Variants in ALCAM observed in about 807,000 individuals in gnomAD.
The protein encoded by ALCAM is CD166 antigen.
ALCAM carries 30 observed loss-of-function variants against 70.9 expected under a neutral mutation model. The ratio of observed to expected loss-of-function variants is 0.42; its 90% CI spans 0.32 to 0.57. The LOEUF (loss-of-function observed/expected upper bound fraction) is 0.57. Among genes scored for constraint, ALCAM ranks in the 20% least tolerant of loss-of-function variants. The probability of loss-of-function intolerance (pLI) is 0.11; values close to 1 mark genes in which losing one functional copy is unlikely to be tolerated. For missense variants in ALCAM, 591 were observed against 695.1 expected, an observed-to-expected ratio of 0.85 and a Z score of 1.68; for synonymous variants, 249 against 242.5, an observed-to-expected ratio of 1.03 and a Z score of -0.25.
At chr3:105,563,443 CTT>C (rs1940670856) in intron 14 of ALCAM, among the ~76,000 whole-genome samples, 3 of 151,350 alleles carry the variant, frequency 2.0e-5, no homozygotes, top group Non-Finnish European at 4.4e-5. Context: ...TACATTTCCA[CTT>C]TTTCTCCTTT....
chr3:105,476,043 G>C (rs1938099354), intron 1 of ALCAM, among the ~76,000 whole-genome samples: 1 of 151,916 alleles, frequency 6.6e-6, no homozygotes, highest in Non-Finnish European at 1.5e-5. Flanking sequence ...CCACGAAAAT[G>C]ATTCCTCCTA....
chr3:105,527,692 G>T (rs987126110), intron 3 of ALCAM, among the ~76,000 whole-genome samples: 1 of 152,030 alleles, frequency 6.6e-6, no homozygotes, highest in Admixed American at 6.5e-5. Context: ...CTCTGGTGCT[G>T]CTCTGTGGTA....
chr3:105,420,076 A>G, intron 1 of ALCAM, among the ~76,000 whole-genome samples: 1 of 151,820 alleles, frequency 6.6e-6, no homozygotes, highest in East Asian at 1.9e-4. Flanking sequence ...TGCAAATGTT[A>G]CTTCATATTT....
chr3:105,445,703 C>T (rs1459361150), intron 1 of ALCAM, among the ~76,000 whole-genome samples: 3 of 152,152 alleles, frequency 2.0e-5, no homozygotes. Flanking sequence ...TTATTTTCAA[C>T]AAAGGTGCCA....
intron 7 of ALCAM, 143 bp from the exon 8 acceptor site, chr3:105,541,490 C>A: frequency 1.2e-6 from 1 of 841,318 alleles, no homozygotes; most frequent in South Asian, 2.7e-5. Flanking sequence ...ATTGGTAACA[C>A]AAACTGTACT....
chr3:105,524,256 T>A, intron 2 of ALCAM, 33 bp from the exon 3 acceptor site: 1 of 1,521,708 alleles, frequency 6.6e-7, no homozygotes, highest in East Asian at 2.4e-5. Context: ...TGAATATGCT[T>A]GTGTTTAAAT....
chr3:105,520,090 T>C lies in ALCAM; in HGVS notation c.97T>C (p.Ser33Pro). The C allele has an allele frequency of 6.2e-7, 1 of 1,611,100 alleles. No individual in the cohort carries two copies. The highest frequency in any genetic ancestry group is 1.1e-5 in the South Asian group (1 of 90,764). ...AGGCCTTGGATGGTATACTGTAAAT[T>C]CAGCATATGGAGATACCATTATCAT... ...RPGLGWYTVN[S>P]AYGDTIIIPC... Residue 33 changes from serine to proline, a missense_variant, in exon 2 of 16, where the codon TCA becomes CCA. This residue lies in a region of ALCAM where 427 missense variants were observed against 450.4 expected (regional missense o/e 0.95). Transcript: ENST00000306107.
intron 1 of ALCAM, among the ~76,000 whole-genome samples, chr3:105,484,528 G>A (rs1324919910): frequency 6.6e-6 from 1 of 152,002 alleles, no homozygotes; most frequent in African/African-American, 2.4e-5. Context: ...GGAGGAAATA[G>A]TCTATTGATT....
At chr3:105,534,516 A>G (rs910705691) in intron 5 of ALCAM, 147 bp from the exon 6 acceptor site, 1 of 712,868 alleles carries the variant, frequency 1.4e-6, no homozygotes, top group African/African-American at 1.8e-5. Context: ...TTGAAACGAC[A>G]TCTAACCTCA....
chr3:105,551,635 T>G (rs543308353), intron 12 of ALCAM, among the ~76,000 whole-genome samples: 1 of 151,756 alleles, frequency 6.6e-6, no homozygotes, highest in Non-Finnish European at 1.5e-5. Context: ...GCAAACATCA[T>G]GTATGTTGCT....
intron 14 of ALCAM, among the ~76,000 whole-genome samples, chr3:105,564,661 G>T (rs1311717961): frequency 6.6e-6 from 1 of 152,220 alleles, no homozygotes; most frequent in African/African-American, 2.4e-5. Flanking sequence ...GTACCTTAAA[G>T]ATGTGCCATT....
rs1294892376 is a variant in ALCAM, at chr3:105,547,141, T to G, written c.1105-8T>G. On this transcript the variant is annotated splice_region_variant and splice_polypyrimidine_tract_variant and intron_variant, in intron 9 of 15. Transcript: ENST00000306107. ...CCACATGAGGTAATTTACTTTTTAT[T>G]TAATCAGGATAACATCAGGCTTCGA... is the stretch of plus-strand genomic sequence containing the variant. 6.5e-7 allele frequency: 1 copy of G among 1,537,190 alleles called. No homozygotes were observed. The highest frequency in any genetic ancestry group is 2.3e-5 in the East Asian group (1 of 43,614).
intron 1 of ALCAM, among the ~76,000 whole-genome samples, chr3:105,393,982 G>C (rs1268968490): frequency 6.6e-6 from 1 of 151,866 alleles, no homozygotes; most frequent in African/African-American, 2.4e-5. Context: ...AAAGCAGTCA[G>C]TAATATCAAA....
At chr3:105,417,822 A>G (rs979401471) in intron 1 of ALCAM, among the ~76,000 whole-genome samples, 1 of 151,846 alleles carries the variant, frequency 6.6e-6, no homozygotes, top group African/African-American at 2.4e-5. Context: ...ATCTTCTCTT[A>G]GGACATACAG....
At chr3:105,557,825 T>C (rs1304880078) in intron 14 of ALCAM, among the ~76,000 whole-genome samples, 1 of 152,180 alleles carries the variant, frequency 6.6e-6, no homozygotes. Context: ...TATTTCTTTG[T>C]AGAGTCTTAG....
At chr3:105,525,220 G>C in intron 3 of ALCAM, 5 of 985,216 alleles carry the variant, frequency 5.1e-6, no homozygotes, top group Non-Finnish European at 6.0e-6. Flanking sequence ...AAGTAGAGTA[G>C]TGATGGAAGA....
intron 1 of ALCAM, among the ~76,000 whole-genome samples, chr3:105,426,110 G>C (rs982759066): frequency 6.6e-6 from 1 of 151,806 alleles, no homozygotes; most frequent in African/African-American, 2.4e-5. Context: ...TTGAGTGAGA[G>C]TCAGGGTATT....
intron 1 of ALCAM, among the ~76,000 whole-genome samples, chr3:105,431,369 T>C (rs1436218542): frequency 6.6e-6 from 1 of 152,086 alleles, no homozygotes; most frequent in Non-Finnish European, 1.5e-5. Flanking sequence ...CATCTGGAGC[T>C]AGTAATGCCT....
rs147671308 is a variant in ALCAM at position 105,543,570 on chromosome 3, G to A, written c.992-1653G>A. 5.4e-3 allele frequency among the ~76,000 whole-genome samples: 824 copies of A among 151,598 alleles called. 6 individuals are homozygous for A. The highest frequency in any genetic ancestry group is 0.018 in the African/African-American group (739 of 41,430). On this transcript the variant is annotated intron_variant, in intron 8 of 15. Coordinates refer to ENST00000306107, the MANE Select transcript of ALCAM (RefSeq NM_001627.4). ...CTAAAGGAAGTGTGGGTAGAGAAGC[G>A]CCAACCCATTCTTGCACATGTTTGC...
Sources: gnomAD v4.1 joint callset for allele counts (sites outside exome capture counted in the v4.1 genomes callset) on GRCh38, gnomAD v4.1.1 for gene constraint, gnomAD v4.1.1 regional missense constraint, MANE v1.5 for transcripts, NCBI Gene and HGNC (gene_info 2026-07-23, HGNC 2026-07-21) for gene names.